The following LRBA variants were observed in gnomAD, a reference collection of about 807,000 sequenced individuals.
LRBA encodes the protein lipopolysaccharide-responsive and beige-like anchor protein.
LRBA carries 176 observed loss-of-function variants against 330.0 expected under a neutral mutation model. The ratio of observed to expected loss-of-function variants is 0.53; its 90% CI spans 0.47 to 0.60. LRBA has a LOEUF of 0.60. Among genes scored for constraint, LRBA ranks in the 20% least tolerant of loss-of-function variants. LRBA has a pLI of 0.00. For synonymous variants in LRBA, 1,230 were observed against 1,193.0 expected, an observed-to-expected ratio of 1.03 and a Z score of -0.64; for missense variants, 3,259 against 3,444.8, an observed-to-expected ratio of 0.95 and a Z score of 1.35.
At chr4:150,433,755 A>G (rs945613708) in intron 46 of LRBA, among the ~76,000 whole-genome samples, 12 of 152,162 alleles carry the variant, frequency 7.9e-5, no homozygotes, top group African/African-American at 2.9e-4. Context: ...CAAAATTATT[A>G]TATCTGTTAA....
At chr4:150,859,783 C>T (rs971081052) in intron 22 of LRBA, among the ~76,000 whole-genome samples, 1 of 152,164 alleles carries the variant, frequency 6.6e-6, no homozygotes, top group Non-Finnish European at 1.5e-5. Context: ...TCCAATTCTG[C>T]AACATTAGTT....
chr4:150,617,720 A>G (rs1325632218), intron 37 of LRBA, among the ~76,000 whole-genome samples: 1 of 152,192 alleles, frequency 6.6e-6, no homozygotes, highest in Non-Finnish European at 1.5e-5. Context: ...CCTGAGGTAC[A>G]CAGAAGCCAT....
At chr4:150,542,266 C>G (rs1375052235) in intron 40 of LRBA, among the ~76,000 whole-genome samples, 2 of 152,118 alleles carry the variant, frequency 1.3e-5, no homozygotes. Context: ...AATTGGACTA[C>G]CTGGGTTCAA....
chr4:150,274,547 G>A (rs1746514756), intron 56 of LRBA, among the ~76,000 whole-genome samples: 1 of 152,006 alleles, frequency 6.6e-6, no homozygotes, highest in African/African-American at 2.4e-5. Context: ...TAGACCACTA[G>A]CCAGATTAAT....
At chr4:150,924,821 T>A (rs1414087722) in intron 4 of LRBA, among the ~76,000 whole-genome samples, 1 of 152,142 alleles carries the variant, frequency 6.6e-6, no homozygotes, top group East Asian at 1.9e-4. Flanking sequence ...ATTCTCATTC[T>A]CCTCCCCCTC....
chr4:150,817,860 A>G (rs533361014), intron 30 of LRBA, among the ~76,000 whole-genome samples: 1 of 152,212 alleles, frequency 6.6e-6, no homozygotes, highest in Admixed American at 6.6e-5. Flanking sequence ...AAAATGTAAT[A>G]CTTTATACCA....
chr4:150,989,085 C>T (rs1579418771), intron 2 of LRBA, among the ~76,000 whole-genome samples: 1 of 152,072 alleles, frequency 6.6e-6, no homozygotes, highest in East Asian at 1.9e-4. Flanking sequence ...TCACTGGAAC[C>T]TCTGCCTCCA....
At chr4:150,343,360 A>G (rs552247753) in intron 48 of LRBA, among the ~76,000 whole-genome samples, 1 of 152,346 alleles carries the variant, frequency 6.6e-6, no homozygotes, top group African/African-American at 2.4e-5. Context: ...AGCACTTGTT[A>G]TAATTGAAAT....
chr4:150,816,688 T>C (rs887214963), intron 31 of LRBA, among the ~76,000 whole-genome samples: 1 of 151,912 alleles, frequency 6.6e-6, no homozygotes, highest in African/African-American at 2.4e-5. Flanking sequence ...AAACAAAGTA[T>C]TGGACACTAT....
chr4:150,903,128 T>C (rs1730939881), intron 13 of LRBA, among the ~76,000 whole-genome samples: 1 of 152,152 alleles, frequency 6.6e-6, no homozygotes, highest in Admixed American at 6.5e-5. Flanking sequence ...AAGACTGTAA[T>C]CCCAACACTT....
chr4:150,752,917 G>T (rs752633982), intron 35 of LRBA, among the ~76,000 whole-genome samples: 4 of 152,132 alleles, frequency 2.6e-5, no homozygotes, highest in Non-Finnish European at 5.9e-5. Flanking sequence ...AGAGACAGAA[G>T]ATAGTTACAT....
In LRBA at chr4:150,321,113, T is replaced by G; in HGVS notation, c.7630+78A>C. On this transcript the variant is annotated intron_variant, in intron 50 of 56. Coordinates refer to ENST00000651943, the MANE Select transcript of LRBA (RefSeq NM_001364905.1). The surrounding 1 kb of genome is among the most constrained non-coding windows in gnomAD (Gnocchi z 4.5). The stretch of plus-strand genomic sequence containing the variant: ...GCTTGAAAATTAAAAGCTTAAATGT[T>G]GAGATATGCTATATTTAAGTGGGTA... The G allele has an allele frequency of 2.2e-4, 265 of 1,227,554 alleles. No homozygotes were observed. Among genetic ancestry groups the G allele is most frequent in the Non-Finnish European group, 2.7e-4 (235 of 877,962 alleles). The allele number at this position is 1,227,554 out of a possible 1,614,324, so 76.0% of individuals were successfully genotyped here. A position where few individuals can be genotyped will look rare whatever the true frequency, so the allele number is the denominator to read the frequency against.
chr4:150,728,915 T>C (rs1730065807), intron 36 of LRBA, among the ~76,000 whole-genome samples: 1 of 152,184 alleles, frequency 6.6e-6, no homozygotes, highest in Non-Finnish European at 1.5e-5. Flanking sequence ...AAATTATCTT[T>C]ATTTGCAGAT....
In LRBA at chr4:150,953,444, C is replaced by T. The variant is rs992048073; in HGVS notation, c.217-24379G>A. On this transcript the variant is annotated intron_variant, in intron 2 of 56. Transcript: ENST00000651943. ...AGGCTGGACTGTACTGCCGCCATCT[C>T]GGCTCACTGCAACCTCCCTGCCTGA... Among the ~76,000 whole-genome samples, 5 of 147,074 alleles carry T rather than the reference C, an allele frequency of 3.4e-5. No individual in the cohort carries two copies. The South Asian group carries it at 6.8e-4, about 20-fold the overall frequency.
At chr4:150,788,006 G>A (rs1163791561) in intron 34 of LRBA, among the ~76,000 whole-genome samples, 1 of 152,062 alleles carries the variant, frequency 6.6e-6, no homozygotes, top group Non-Finnish European at 1.5e-5. Flanking sequence ...AGTTTTTTGA[G>A]GAACTAAAAA....
intron 37 of LRBA, among the ~76,000 whole-genome samples, chr4:150,672,267 A>T (rs1782128054): frequency 6.6e-6 from 1 of 152,144 alleles, no homozygotes; most frequent in African/African-American, 2.4e-5. Flanking sequence ...TGGTGATTCT[A>T]ATAGACAGCT....
Position 150,919,551 on chromosome 4 carries a change from C to T in LRBA, c.645+1647G>A, listed in dbSNP as rs182228190. Among the ~76,000 whole-genome samples, 35 of 152,022 alleles carry T rather than the reference C, an allele frequency of 2.3e-4. No individual in the cohort carries two copies. In the East Asian group the frequency reaches 6.4e-3, roughly 28 times the overall value. On this transcript the variant is annotated intron_variant, in intron 5 of 56. Transcript: ENST00000651943. ...ACACTATTGAGACTTCAAGAGTGAA[C>T]GTTGCATTAAACGTTGCATTAATGC...
chr4:150,690,385 C>T (rs112901799), intron 36 of LRBA, among the ~76,000 whole-genome samples: 3 of 151,952 alleles, frequency 2.0e-5, no homozygotes, highest in African/African-American at 7.2e-5. Flanking sequence ...CGCCTGTAAT[C>T]CCAGGTACTC....
chr4:150,505,593 A>G (rs1345751998), intron 40 of LRBA, among the ~76,000 whole-genome samples: 1 of 152,238 alleles, frequency 6.6e-6, no homozygotes, highest in African/African-American at 2.4e-5. Flanking sequence ...GTGTAGAGGG[A>G]AATTTATAGC....
Sources: gnomAD v4.1 joint callset for allele counts (sites outside exome capture counted in the v4.1 genomes callset) on GRCh38, gnomAD v4.1.1 for gene constraint, Gnocchi (gnomAD v3.1) non-coding constraint, MANE v1.5 for transcripts, NCBI Gene and HGNC (gene_info 2026-07-23, HGNC 2026-07-21) for gene names.